Variants in NQO1 observed in about 807,000 individuals in gnomAD.
The protein encoded by NQO1 is NAD(P)H quinone dehydrogenase 1.
Under a neutral mutation model 32.1 loss-of-function variants are expected in NQO1, and 30 were observed. That is an observed-to-expected ratio of 0.94 (90% CI 0.70 to 1.27). The LOEUF (loss-of-function observed/expected upper bound fraction) is 1.27. NQO1 is among the 50% of genes most tolerant of loss of function. The pLI is 0.00. For missense variants in NQO1, 276 were observed against 331.3 expected, an observed-to-expected ratio of 0.83 and a Z score of 1.30; for synonymous variants, 109 against 119.7, an observed-to-expected ratio of 0.91 and a Z score of 0.59.
chr16:69,715,030 A>G lies in NQO1; in HGVS notation c.351T>C (p.Phe117=). ...FGVPAILKGW[F]ERVFIGEFAY... ...CAAACTCTCCTATGAACACTCGCTC[A>G]AACCAGCCTTTCAGAATGGCAGGGA... The change falls in exon 4 of 6, where the codon TTT becomes TTC. Residue 117 remains phenylalanine (F), a synonymous_variant. Transcript: ENST00000320623. The G allele has an allele frequency of 3.1e-6, 5 of 1,613,926 alleles. No homozygotes were observed. Among genetic ancestry groups the G allele is most frequent in the Non-Finnish European group, 4.2e-6 (5 of 1,179,882 alleles).
At chr16:69,725,425 T>A (rs953972873) in intron 1 of NQO1, among the ~76,000 whole-genome samples, 12 of 152,212 alleles carry the variant, frequency 7.9e-5, no homozygotes, top group Non-Finnish European at 1.5e-4. Context: ...TTGTCTCAGC[T>A]GGTTATTTAT....
chr16:69,720,216 G>A (rs1045700920), intron 1 of NQO1, among the ~76,000 whole-genome samples: 4 of 150,454 alleles, frequency 2.7e-5, no homozygotes, highest in South Asian at 4.2e-4. Context: ...ATCCGTGATC[G>A]CCGCACTGCA....
intron 1 of NQO1, 73 bp downstream of exon 1, chr16:69,726,360 C>T (rs2038262312): frequency 6.3e-7 from 1 of 1,589,938 alleles, no homozygotes; most frequent in Non-Finnish European, 8.6e-7. Context: ...AGGGCCAAGC[C>T]CCTACAACCT....
In NQO1 at chr16:69,710,542, T is replaced by TAACTACCAAAC. The variant is rs1410751111; in HGVS notation, c.*433_*434insGTTTGGTAGTT. ...TTAGATGGCTAACTACCAAACAAGT[T>TAACTACCAAAC]AAGTCCCTTAGGGCAGGTAGATTCA... On this transcript the variant is annotated 3_prime_UTR_variant, in exon 6 of 6. Coordinates refer to ENST00000320623, the MANE Select transcript of NQO1 (RefSeq NM_000903.3). 1 of 167,502 alleles carries TAACTACCAAAC rather than the reference T, an allele frequency of 6.0e-6. No homozygotes were observed. Among genetic ancestry groups the TAACTACCAAAC allele is most frequent in the African/African-American group, 2.4e-5 (1 of 41,600 alleles). The allele number at this position is 167,502 out of a possible 1,614,324, so 10.4% of individuals were successfully genotyped here. A position where few individuals can be genotyped will look rare whatever the true frequency, so the allele number is the denominator to read the frequency against.
At chr16:69,712,163 T>C (rs1264304344) in intron 5 of NQO1, among the ~76,000 whole-genome samples, 2 of 152,026 alleles carry the variant, frequency 1.3e-5, no homozygotes, top group East Asian at 1.9e-4. Context: ...TCATAGCTCA[T>C]TGCAGCCTCG....
intron 1 of NQO1, 84 bp downstream of exon 1, chr16:69,726,349 C>T: frequency 3.9e-6 from 6 of 1,556,230 alleles, no homozygotes; most frequent in Non-Finnish European, 5.2e-6. Context: ...GAACAAAATT[C>T]AGGGCCAAGC....
rs762536871 is a variant in NQO1 at position 69,709,484 on chromosome 16, C to A, written c.*1492G>T. 2 of 318,374 alleles carry A rather than the reference C, an allele frequency of 6.3e-6. No homozygotes were observed. Among genetic ancestry groups the A allele is most frequent in the East Asian group, 9.8e-5 (2 of 20,452 alleles). 19.7% of individuals were successfully genotyped at this position (318,374 alleles called of 1,614,324 possible). A position where few individuals can be genotyped will look rare whatever the true frequency, so the allele number is the denominator to read the frequency against. On this transcript the variant is annotated 3_prime_UTR_variant, in exon 6 of 6. Coordinates refer to ENST00000320623, the MANE Select transcript of NQO1 (RefSeq NM_000903.3). ...AAAATTGCAGTGAAGATGAAGGCAA[C>A]AAAATATTTTCAAACTGAAACACCC...
chr16:69,721,179 C>T (rs891235848), intron 1 of NQO1, among the ~76,000 whole-genome samples: 1 of 151,950 alleles, frequency 6.6e-6, no homozygotes, highest in African/African-American at 2.4e-5. Context: ...GTGTGAGCAA[C>T]CACGCCCGGC....
chr16:69,717,105 GA>G (rs373749846), intron 3 of NQO1, among the ~76,000 whole-genome samples: 6,428 of 144,888 alleles, frequency 0.044, 465 homozygotes, highest in African/African-American at 0.15. Flanking sequence ...GAGAGAGAGA[GA>G]AAAAAAAAAC....
rs1280608621 is a variant in NQO1, at chr16:69,726,552, G to A, written c.-113C>T. On this transcript the variant is annotated 5_prime_UTR_variant, in exon 1 of 6. Coordinates refer to ENST00000320623, the MANE Select transcript of NQO1 (RefSeq NM_000903.3). ...CGGCTCCGGCTGCAACCTTGTGGGA[G>A]TCGCGTGTGTAGTGCACGGTGCATT... is the stretch of plus-strand genomic sequence containing the variant. 1.4e-5 allele frequency: 21 copies of A among 1,449,650 alleles called. No homozygotes were observed. Among genetic ancestry groups the A allele is most frequent in the Non-Finnish European group, 2.0e-5 (21 of 1,063,560 alleles). The allele number at this position is 1,449,650 out of a possible 1,614,324, so 89.8% of individuals were successfully genotyped here.
At position 69,713,423 on chromosome 16, in the gene NQO1, G is replaced by A. The variant is rs544111248; in HGVS notation, c.418-294C>T. 3.3e-5 allele frequency among the ~76,000 whole-genome samples: 5 copies of A among 152,298 alleles called. No individual in the cohort carries two copies. The South Asian group carries it at 1.0e-3, about 32-fold the overall frequency. On this transcript the variant is annotated intron_variant, in intron 4 of 5. Transcript: ENST00000320623. ...AGTGCTGGCTGCTGGCTGCCTAGGT[G>A]GAGTTATTGGTTGTTCTTATCCATC...
chr16:69,711,138 C>T lies in NQO1; in HGVS notation c.663G>A (p.Leu221=), dbSNP rs2151741606. Residue 221 remains leucine, a synonymous_variant, in exon 6 of 6, where the codon CTG becomes CTA. Transcript: ENST00000320623. ...RLENIWDETP[L]YFAPSSLFDL... ...CAAAGAGGCTGCTTGGAGCAAAATA[C>T]AGTGGTGTCTCATCCCAAATATTCT... The T allele has an allele frequency of 2.5e-6, 4 of 1,614,150 alleles. No homozygotes were observed. Among genetic ancestry groups the T allele is most frequent in the Non-Finnish European group, 3.4e-6 (4 of 1,180,026 alleles).
At chr16:69,724,496 A>T (rs375761328) in intron 1 of NQO1, among the ~76,000 whole-genome samples, 24 of 145,380 alleles carry the variant, frequency 1.7e-4, no homozygotes, top group South Asian at 6.5e-4. Context: ...CCCAGCCAAA[A>T]TTTTTTTTTT....
At chr16:69,711,909 C>T (rs1270164528) in intron 5 of NQO1, among the ~76,000 whole-genome samples, 5 of 152,088 alleles carry the variant, frequency 3.3e-5, no homozygotes, top group African/African-American at 1.2e-4. Context: ...CTGCCTCAGT[C>T]TCCCAAAGTG....
chr16:69,713,200 C>G, intron 4 of NQO1, 71 bp from the exon 5 acceptor site: 1 of 1,126,320 alleles, frequency 8.9e-7, no homozygotes. Flanking sequence ...GTTAATGAAA[C>G]AGCTCCAGGG....
At chr16:69,719,117 A>G (rs949970352) in intron 1 of NQO1, among the ~76,000 whole-genome samples, 3 of 152,280 alleles carry the variant, frequency 2.0e-5, no homozygotes, top group Admixed American at 6.5e-5. Context: ...TTACATGGGT[A>G]CTGTGTTTAC....
chr16:69,726,534 G>T lies in NQO1; in HGVS notation c.-95C>A. 1 of 1,543,650 alleles carries T rather than the reference G, an allele frequency of 6.5e-7. No individual in the cohort carries two copies. The highest frequency in any genetic ancestry group is 1.1e-5 in the South Asian group (1 of 87,428). On this transcript the variant is annotated 5_prime_UTR_variant, in exon 1 of 6. Transcript: ENST00000320623. ...GGCTCTCGGTGAGCTGGGCGGCTCCGGCTGCAACCTTGTGGGAGTCGCGTG... is the reference window on the plus strand; with the variant it reads ...GGCTCTCGGTGAGCTGGGCGGCTCCTGCTGCAACCTTGTGGGAGTCGCGTG...
intron 3 of NQO1, among the ~76,000 whole-genome samples, chr16:69,717,115 A>C (rs1293493768): frequency 6.6e-6 from 1 of 151,618 alleles, no homozygotes; most frequent in African/African-American, 2.4e-5. Context: ...GAAAAAAAAA[A>C]CACAGCCTGT....
intron 1 of NQO1, among the ~76,000 whole-genome samples, chr16:69,724,433 C>G (rs1258452580): frequency 6.6e-6 from 1 of 152,034 alleles, no homozygotes; most frequent in Non-Finnish European, 1.5e-5. Flanking sequence ...CTCAAGCAGT[C>G]CTCCCGCCTC....
Sources: gnomAD v4.1 joint callset for allele counts (sites outside exome capture counted in the v4.1 genomes callset) on GRCh38, gnomAD v4.1.1 for gene constraint, MANE v1.5 for transcripts, NCBI Gene and HGNC (gene_info 2026-07-23, HGNC 2026-07-21) for gene names.